The following DCLK3 variants were observed in gnomAD, a reference collection of about 807,000 sequenced individuals.
The protein encoded by DCLK3 is doublecortin like kinase 3.
DCLK3 carries 30 observed loss-of-function variants against 46.4 expected under a neutral mutation model. The observed-to-expected ratio is 0.65, with a 90% CI of 0.48 to 0.88. The LOEUF (loss-of-function observed/expected upper bound fraction) is 0.88. DCLK3 is among the 40% of genes least tolerant of loss of function. DCLK3 has a pLI of 0.00. For synonymous variants in DCLK3, 401 were observed against 339.2 expected, an observed-to-expected ratio of 1.18 and a Z score of -2.00; for missense variants, 846 against 907.1, an observed-to-expected ratio of 0.93 and a Z score of 0.87.
chr3:36,722,895 G>C (rs186060732), intron 2 of DCLK3, among the ~76,000 whole-genome samples: 2 of 152,324 alleles, frequency 1.3e-5, no homozygotes, highest in African/African-American at 4.8e-5. Context: ...TACCAGTAGA[G>C]TGGGGCACTG....
Position 36,738,570 on chromosome 3 carries a change from C to T in DCLK3, c.597G>A (p.Gln199=). 1.4e-6 allele frequency: 2 copies of T among 1,445,598 alleles called. No homozygotes were observed. Among genetic ancestry groups the T allele is most frequent in the South Asian group, 1.7e-5 (1 of 60,076 alleles). 89.5% of individuals were successfully genotyped at this position (1,445,598 alleles called of 1,614,324 possible). Residue 199 remains glutamine, a synonymous_variant, in exon 2 of 5, where the codon CAG becomes CAA. Coordinates refer to ENST00000636136, the MANE Select transcript of DCLK3 (RefSeq NM_001394672.2). ...PNKARALTLA[Q]HSRAPSPRLR... ...GCCTTGGAGAAGGGGCACGGCTGTG[C>T]TGGGCCAGTGTCAGGGCCCGGGCTT... is the stretch of plus-strand genomic sequence containing the variant.
intron 2 of DCLK3, among the ~76,000 whole-genome samples, chr3:36,725,510 G>T (rs1701116408): frequency 6.6e-6 from 1 of 152,038 alleles, no homozygotes; most frequent in African/African-American, 2.4e-5. Context: ...CCAGCTACTT[G>T]GGAGGCTGAG....
chr3:36,718,138 A>T lies in DCLK3; in HGVS notation c.2132T>A (p.Ile711Asn). The T allele has an allele frequency of 1.9e-6, 3 of 1,614,142 alleles. No homozygotes were observed. Among genetic ancestry groups the T allele is most frequent in the Non-Finnish European group, 2.5e-6 (3 of 1,180,032 alleles). The change falls in exon 4 of 5, where the codon ATC (isoleucine) becomes AAC (asparagine). Residue 711 changes from isoleucine (I) to asparagine (N), a missense_variant. Coordinates refer to ENST00000636136, the MANE Select transcript of DCLK3 (RefSeq NM_001394672.2). ...LEVDMWAAGV[I>N]LYILLCGFPP... ...AAAGCCACACAGCAGGATATAGAGG[A>T]TCACGCCAGCAGCCCACATGTCCAC...
chr3:36,735,399 G>A (rs1701248720), intron 2 of DCLK3, among the ~76,000 whole-genome samples: 1 of 152,208 alleles, frequency 6.6e-6, no homozygotes, highest in South Asian at 2.1e-4. Flanking sequence ...CATCCAACCA[G>A]TCAAACTGCT....
intron 1 of DCLK3, among the ~76,000 whole-genome samples, chr3:36,750,320 G>A (rs1447795930): frequency 6.6e-6 from 1 of 152,150 alleles, no homozygotes; most frequent in African/African-American, 2.4e-5. Flanking sequence ...GTCCTCAAGT[G>A]ATCCACCCAC....
chr3:36,716,548 G>A (rs1700982811), intron 4 of DCLK3, among the ~76,000 whole-genome samples: 1 of 152,230 alleles, frequency 6.6e-6, no homozygotes, highest in African/African-American at 2.4e-5. Flanking sequence ...TCAGACTCTT[G>A]TGTACAAGTG....
intron 1 of DCLK3, among the ~76,000 whole-genome samples, chr3:36,749,927 G>T (rs1280495546): frequency 6.6e-6 from 1 of 152,048 alleles, no homozygotes; most frequent in East Asian, 1.9e-4. Flanking sequence ...ATAATAATAA[G>T]GGAATAGTAT....
intron 1 of DCLK3, among the ~76,000 whole-genome samples, chr3:36,747,715 T>C (rs1320459707): frequency 2.0e-5 from 3 of 152,286 alleles, no homozygotes; most frequent in African/African-American, 7.2e-5. Context: ...CATCTGCTGT[T>C]CCTCAAATAC....
At chr3:36,715,765 A>G (rs1361121570) in intron 4 of DCLK3, among the ~76,000 whole-genome samples, 1 of 152,140 alleles carries the variant, frequency 6.6e-6, no homozygotes, top group African/African-American at 2.4e-5. Context: ...TATTTATATG[A>G]TTTACTTTGA....
chr3:36,715,404 C>G lies in DCLK3; in HGVS notation c.2378G>C (p.Arg793Pro). ...ETAGKTNTVK[R>P]QKQVSPSSEG... Reference sequence around the variant, plus strand: ...GCTGCTGGGGGACACCTGCTTCTGTCGTTTCACTGTATTGGTCTTGCCAGC... The same window carrying G: ...GCTGCTGGGGGACACCTGCTTCTGTGGTTTCACTGTATTGGTCTTGCCAGC... Residue 793 changes from arginine (R) to proline (P), a missense_variant, in exon 5 of 5, where the codon CGA becomes CCA. By Grantham distance (103) the Arg-to-Pro change is moderately radical. Coordinates refer to ENST00000636136, the MANE Select transcript of DCLK3 (RefSeq NM_001394672.2). 2 of 1,614,102 alleles carry G rather than the reference C, an allele frequency of 1.2e-6. No individual in the cohort carries two copies. The highest frequency in any genetic ancestry group is 1.7e-6 in the Non-Finnish European group (2 of 1,179,994).
intron 1 of DCLK3, among the ~76,000 whole-genome samples, chr3:36,753,615 T>A (rs1701462282): frequency 1.3e-5 from 2 of 152,218 alleles, no homozygotes; most frequent in South Asian, 4.1e-4. Flanking sequence ...TAACAAGCAT[T>A]CCTGAGAACA....
intron 4 of DCLK3, among the ~76,000 whole-genome samples, chr3:36,717,275 A>AT (rs748676159): frequency 7.3e-4 from 111 of 152,106 alleles, no homozygotes; most frequent in Non-Finnish European, 1.0e-3. Context: ...AATTTGTTTC[A>AT]TTTTTTGTAG....
In DCLK3 at chr3:36,738,549, T is replaced by C. The variant is rs755189380; in HGVS notation, c.618A>G (p.Pro206=). ...TLAQHSRAPS[P]RLRSRLFSKA... ...TGCTAAACAGCCTGCTCCTCAGCCT[T>C]GGAGAAGGGGCACGGCTGTGCTGGG... Residue 206 remains proline (P), a synonymous_variant, in exon 2 of 5, where the codon CCA becomes CCG. Transcript: ENST00000636136. 4 of 1,501,836 alleles carry C rather than the reference T, an allele frequency of 2.7e-6. No homozygotes were observed. The East Asian group carries it at 1.0e-4, about 38-fold the overall frequency. 93.0% of individuals were successfully genotyped at this position (1,501,836 alleles called of 1,614,324 possible).
rs2125516725 is a variant in DCLK3, at chr3:36,712,440, T to C, written c.*2888A>G. The C allele has an allele frequency of 6.6e-6, 1 of 152,340 alleles. No individual in the cohort carries two copies. Among genetic ancestry groups the C allele is most frequent in the African/African-American group, 2.4e-5 (1 of 41,582 alleles). 9.4% of individuals were successfully genotyped at this position (152,340 alleles called of 1,614,324 possible). A position where few individuals can be genotyped will look rare whatever the true frequency, so the allele number is the denominator to read the frequency against. On this transcript the variant is annotated 3_prime_UTR_variant, in exon 5 of 5. Coordinates refer to ENST00000636136, the MANE Select transcript of DCLK3 (RefSeq NM_001394672.2). ...TGCAACTATATTTTTAACAACTTTA[T>C]TGAGGTATAATTGACACACAATAAA...
chr3:36,733,783 T>C (rs980678541), intron 2 of DCLK3, among the ~76,000 whole-genome samples: 2 of 152,144 alleles, frequency 1.3e-5, no homozygotes, highest in African/African-American at 4.8e-5. Flanking sequence ...TAGAAATAGA[T>C]AAACTCAGGA....
chr3:36,743,734 C>T (rs985803620), intron 1 of DCLK3, among the ~76,000 whole-genome samples: 6 of 152,100 alleles, frequency 3.9e-5, no homozygotes, highest in African/African-American at 1.4e-4. Context: ...TTTTGATAAG[C>T]CATCCATCTG....
intron 2 of DCLK3, among the ~76,000 whole-genome samples, chr3:36,727,711 C>T (rs189671344): frequency 6.6e-6 from 1 of 152,256 alleles, no homozygotes; most frequent in East Asian, 1.9e-4. Flanking sequence ...CAGAAAGTGG[C>T]CCCAGATGGC....
intron 1 of DCLK3, among the ~76,000 whole-genome samples, chr3:36,750,549 A>G (rs1701431845): frequency 6.6e-6 from 1 of 152,228 alleles, no homozygotes; most frequent in Non-Finnish European, 1.5e-5. Context: ...AAAAATTCTC[A>G]CAAACTGCTT....
In DCLK3 at chr3:36,738,288, A is replaced by G. The variant is rs368547741; in HGVS notation, c.879T>C (p.His293=). Residue 293 remains histidine (H), a synonymous_variant, in exon 2 of 5, where the codon CAT becomes CAC. Coordinates refer to ENST00000636136, the MANE Select transcript of DCLK3 (RefSeq NM_001394672.2). The part of the protein sequence containing the change: ...LEERHARGEK[H]LGVEIEKTSG... ...AGGTCTTTTCAATCTCCACCCCAAG[A>G]TGCTTCTCTCCCCTTGCGTGCCTCT... is the stretch of plus-strand genomic sequence containing the variant. The G allele has an allele frequency of 5.8e-5, 89 of 1,524,290 alleles. No individual in the cohort carries two copies. The highest frequency in any genetic ancestry group is 7.5e-5 in the Non-Finnish European group (85 of 1,138,372). The allele number at this position is 1,524,290 out of a possible 1,614,324, so 94.4% of individuals were successfully genotyped here.
Sources: allele counts gnomAD v4.1 joint callset (sites outside exome capture counted in the v4.1 genomes callset), GRCh38; gene constraint gnomAD v4.1.1; transcripts MANE v1.5; gene names NCBI Gene and HGNC (gene_info 2026-07-23, HGNC 2026-07-21).